EDEM3: variants seen among roughly 807,000 people sequenced by gnomAD.
EDEM3 encodes ER degradation-enhancing alpha-mannosidase-like protein 3.
Under a neutral mutation model 110.2 loss-of-function variants are expected in EDEM3, and 60 were observed. The ratio of observed to expected loss-of-function variants is 0.54; its 90% CI spans 0.44 to 0.67. The LOEUF (loss-of-function observed/expected upper bound fraction) is 0.67. Among genes scored for constraint, EDEM3 ranks in the 30% least tolerant of loss-of-function variants. The pLI, the probability that EDEM3 is intolerant of heterozygous loss-of-function variation, is 0.00. For synonymous variants in EDEM3, 352 were observed against 382.9 expected (o/e 0.92, Z 0.94); for missense variants, 996 against 1,121.0 (o/e 0.89, Z 1.59).
At chr1:184,715,493 G>A (rs1476153756) in intron 13 of EDEM3, among the ~76,000 whole-genome samples, 1 of 152,146 alleles carries the variant, frequency 6.6e-6, no homozygotes, top group Non-Finnish European at 1.5e-5. Flanking sequence ...ACACTTAAGT[G>A]CAGTGGCTGG....
At chr1:184,710,849 T>C (rs930309050) in intron 15 of EDEM3, among the ~76,000 whole-genome samples, 1 of 152,212 alleles carries the variant, frequency 6.6e-6, no homozygotes, top group Non-Finnish European at 1.5e-5. Context: ...CTATTGATGT[T>C]ATCCTTTAAA....
intron 1 of EDEM3, among the ~76,000 whole-genome samples, chr1:184,752,216 T>C (rs968752414): frequency 3.9e-5 from 6 of 152,202 alleles, no homozygotes; most frequent in African/African-American, 1.4e-4. Flanking sequence ...AGACTACATA[T>C]AACCAGCTAA....
chr1:184,705,167 A>C (rs1649848714), intron 18 of EDEM3, among the ~76,000 whole-genome samples: 1 of 152,232 alleles, frequency 6.6e-6, no homozygotes, highest in Non-Finnish European at 1.5e-5. Context: ...AATACTACAC[A>C]AAGAAATATT....
intron 12 of EDEM3, 41 bp from the exon 13 acceptor site, chr1:184,717,053 T>C (rs770212001): frequency 4.7e-6 from 7 of 1,481,132 alleles, no homozygotes; most frequent in Non-Finnish European, 6.5e-6. Flanking sequence ...ATATAGCTTA[T>C]ATATTACCAC....
In EDEM3 at chr1:184,692,929, C is replaced by T. The variant is rs9425342; in HGVS notation, c.*1134G>A. The stretch of plus-strand genomic sequence containing the variant: ...AAGGAATATCTGTTAAAAACAAAAA[C>T]AAAAACCATGATTCAACAGAAAATG... On this transcript the variant is annotated 3_prime_UTR_variant, in exon 20 of 20. Coordinates refer to ENST00000318130, the MANE Select transcript of EDEM3 (RefSeq NM_025191.4). 14,014 of 153,032 alleles carry T rather than the reference C, an allele frequency of 0.092. 778 individuals carry two copies. Among genetic ancestry groups the T allele is most frequent in the Non-Finnish European group, 0.13 (8,955 of 68,026 alleles). 9.5% of individuals were successfully genotyped at this position (153,032 alleles called of 1,614,324 possible). A position where few individuals can be genotyped will look rare whatever the true frequency, so the allele number is the denominator to read the frequency against.
At chr1:184,743,550 G>A (rs1652257814) in intron 2 of EDEM3, among the ~76,000 whole-genome samples, 1 of 152,008 alleles carries the variant, frequency 6.6e-6, no homozygotes, top group Admixed American at 6.6e-5. Context: ...AGGGCTTTGA[G>A]GTAACAGACT....
At position 184,708,267 on chromosome 1, in the gene EDEM3, T is replaced by C. The variant is rs1217414690; in HGVS notation, c.1923A>G (p.Lys641=). The C allele has an allele frequency of 6.2e-7, 1 of 1,613,212 alleles. No homozygotes were observed. Among genetic ancestry groups the C allele is most frequent in the Non-Finnish European group, 8.5e-7 (1 of 1,179,774 alleles). ...EMIELSSQQQ[K]EQQLPPRAVQ... is the part of the protein sequence containing the mutation. The stretch of plus-strand genomic sequence containing the variant: ...CAGCTCGTGGAGGCAGCTGCTGTTC[T>C]TTTTGTTGCTGACTTGACAATTCAA... The change falls in exon 17 of 20, where the codon AAA becomes AAG. Residue 641 remains lysine, a synonymous_variant. Transcript: ENST00000318130.
intron 17 of EDEM3, among the ~76,000 whole-genome samples, chr1:184,707,030 T>C (rs1051324489): frequency 1.1e-4 from 17 of 152,194 alleles, no homozygotes; most frequent in African/African-American, 4.1e-4. Flanking sequence ...AACATTTTTA[T>C]ATAAACTACA....
At chr1:184,752,188 C>T (rs1652806238) in intron 1 of EDEM3, among the ~76,000 whole-genome samples, 1 of 152,150 alleles carries the variant, frequency 6.6e-6, no homozygotes, top group African/African-American at 2.4e-5. Context: ...AACCAAAAAG[C>T]TTATTCCATG....
chr1:184,745,367 G>A (rs1409973695), intron 2 of EDEM3, among the ~76,000 whole-genome samples: 1 of 152,010 alleles, frequency 6.6e-6, no homozygotes, highest in Non-Finnish European at 1.5e-5. Context: ...ACTCCCATTA[G>A]TACCATGCCT....
At chr1:184,746,178 C>T (rs1477520492) in intron 2 of EDEM3, among the ~76,000 whole-genome samples, 1 of 152,034 alleles carries the variant, frequency 6.6e-6, no homozygotes, top group African/African-American at 2.4e-5. Context: ...TGTTAAAAAC[C>T]CAAAAATCCC....
intron 4 of EDEM3, 27 bp downstream of exon 4, chr1:184,736,998 A>G (rs772596163): frequency 6.3e-7 from 1 of 1,591,054 alleles, no homozygotes; most frequent in South Asian, 1.1e-5. Context: ...TCATGAATAA[A>G]ATAAATCCAA....
chr1:184,710,959 G>A (rs1650194136), intron 15 of EDEM3, among the ~76,000 whole-genome samples: 1 of 152,010 alleles, frequency 6.6e-6, no homozygotes. Context: ...TCCTTGCAAT[G>A]GCCTAATATA....
chr1:184,710,597 G>T, intron 15 of EDEM3, 50 bp from the exon 16 acceptor site: 2 of 1,506,458 alleles, frequency 1.3e-6, no homozygotes, highest in South Asian at 1.4e-5. Context: ...AATTAGAATT[G>T]GCAAAAAACA....
Position 184,732,885 on chromosome 1 carries a change from G to A in EDEM3, c.564C>T (p.Tyr188=), listed in dbSNP as rs12057178. 2.1e-4 allele frequency: 344 copies of A among 1,614,046 alleles called. No homozygotes were observed. In the African/African-American group the frequency reaches 4.2e-3, roughly 20 times the overall value. Residue 188 remains tyrosine, a synonymous_variant, in exon 6 of 20, where the codon TAC becomes TAT. Coordinates refer to ENST00000318130, the MANE Select transcript of EDEM3 (RefSeq NM_025191.4). ...ELLQMAKQLG[Y]KLLPAFNTTS... is the part of the protein sequence containing the mutation. ...TAGTGTTGAAAGCCGGTAAAAGTTT[G>A]TAACCTAACTGCTTTGCCATTTGGA...
chr1:184,731,177 T>A lies in EDEM3; in HGVS notation c.612+1660A>T, dbSNP rs1662830473. 2.0e-5 allele frequency among the ~76,000 whole-genome samples: 3 copies of A among 152,180 alleles called. No individual in the cohort carries two copies. The South Asian group carries it at 6.2e-4, about 32-fold the overall frequency. Reference sequence around the variant, plus strand: ...ACAGAGCTTGCTAATGGCTGAGGTATCTGTCTTGGATAAGAGGGAGAGAGT... The same window carrying A: ...ACAGAGCTTGCTAATGGCTGAGGTAACTGTCTTGGATAAGAGGGAGAGAGT... On this transcript the variant is annotated intron_variant, in intron 6 of 19. Coordinates refer to ENST00000318130, the MANE Select transcript of EDEM3 (RefSeq NM_025191.4).
Position 184,702,945 on chromosome 1 carries a change from C to G in EDEM3, c.2255G>C (p.Gly752Ala). The G allele has an allele frequency of 6.2e-7, 1 of 1,613,094 alleles. No individual in the cohort carries two copies. The highest frequency in any genetic ancestry group is 8.5e-7 in the Non-Finnish European group (1 of 1,179,586). ...GATGTCATCTGTATCCTTTCCATCA[C>G]CTGCCATCTGGAACAGAGGGGCAGT... ...SDTAPLFQMA[G>A]DGKDTDDIKI... Residue 752 changes from glycine to alanine, a missense_variant, in exon 19 of 20, where the codon GGT (glycine) becomes GCT (alanine). By Grantham distance (60) the Gly-to-Ala change is moderately conservative (BLOSUM62 0). Coordinates refer to ENST00000318130, the MANE Select transcript of EDEM3 (RefSeq NM_025191.4).
chr1:184,699,972 C>G (rs12060621), intron 19 of EDEM3, among the ~76,000 whole-genome samples: 11,936 of 151,684 alleles, frequency 0.079, 565 homozygotes, highest in African/African-American at 0.13. Flanking sequence ...TGTGGGCACA[C>G]GGTTGGAATA....
intron 6 of EDEM3, among the ~76,000 whole-genome samples, chr1:184,729,851 A>G (rs1651403202): frequency 6.6e-6 from 1 of 152,220 alleles, no homozygotes; most frequent in African/African-American, 2.4e-5. Flanking sequence ...TTCTCATGTT[A>G]CGGCAAAAGT....
Sources: gnomAD v4.1 joint callset for allele counts (sites outside exome capture counted in the v4.1 genomes callset) on GRCh38, gnomAD v4.1.1 for gene constraint, MANE v1.5 for transcripts, NCBI Gene and HGNC (gene_info 2026-07-23, HGNC 2026-07-21) for gene names.